Variants in CHL1 observed in about 807,000 individuals in gnomAD.
CHL1 encodes neural cell adhesion molecule L1-like protein.
CHL1 carries 96 observed loss-of-function variants against 141.9 expected under a neutral mutation model. That is an observed-to-expected ratio of 0.68 (90% confidence interval 0.57 to 0.80). The LOEUF (loss-of-function observed/expected upper bound fraction) is 0.80, where lower values mean the gene tolerates loss of function less well. Among genes scored for constraint, CHL1 ranks in the 30% least tolerant of loss-of-function variants. CHL1 has a pLI of 0.00. For missense variants in CHL1, 1,820 were observed against 1,457.2 expected, an observed-to-expected ratio of 1.25 and a Z score of -4.05; for synonymous variants, 613 against 502.2, an observed-to-expected ratio of 1.22 and a Z score of -2.95.
At chr3:215,414 G>T (rs933059527) in intron 1 of CHL1, among the ~76,000 whole-genome samples, 4 of 152,152 alleles carry the variant, frequency 2.6e-5, no homozygotes, top group African/African-American at 4.8e-5. Flanking sequence ...ATCAAGGAGG[G>T]GAGGATAGGA....
intron 5 of CHL1, among the ~76,000 whole-genome samples, chr3:329,512 G>T (rs330892): frequency 0.99 from 150,796 of 152,028 alleles, 74,800 homozygotes; most frequent in Middle Eastern, 1. Context: ...TTATAAGTAT[G>T]TACACTAAAA....
intron 3 of CHL1, among the ~76,000 whole-genome samples, chr3:324,769 T>C (rs2125062922): frequency 6.6e-6 from 1 of 152,064 alleles, no homozygotes; most frequent in Non-Finnish European, 1.5e-5. Context: ...TACATTTTTT[T>C]GTAGGGATAA....
chr3:310,439 A>C (rs745689927), intron 2 of CHL1, among the ~76,000 whole-genome samples: 1 of 152,204 alleles, frequency 6.6e-6, no homozygotes, highest in Admixed American at 6.5e-5. Flanking sequence ...GTGAGTGATG[A>C]AAATCTGAAA....
intron 16 of CHL1, among the ~76,000 whole-genome samples, chr3:379,373 T>G (rs1706743150): frequency 6.6e-6 from 1 of 152,110 alleles, no homozygotes; most frequent in Non-Finnish European, 1.5e-5. Context: ...TTAGGCAGAA[T>G]GTTTGGCCAT....
intron 5 of CHL1, among the ~76,000 whole-genome samples, chr3:333,012 A>G (rs1466358773): frequency 6.6e-6 from 1 of 151,992 alleles, no homozygotes; most frequent in Non-Finnish European, 1.5e-5. Flanking sequence ...ATCTAGGCAG[A>G]CCAAGTGAAG....
intron 3 of CHL1, among the ~76,000 whole-genome samples, chr3:321,222 T>A (rs1037851978): frequency 6.6e-6 from 1 of 152,076 alleles, no homozygotes; most frequent in Admixed American, 6.6e-5. Context: ...CAGGTAGAAA[T>A]CCCTTCTCTA....
At chr3:391,548 T>G (rs182053652) in intron 22 of CHL1, 127 bp from the exon 23 acceptor site, 27 of 658,588 alleles carry the variant, frequency 4.1e-5, no homozygotes, top group African/African-American at 3.9e-4. Flanking sequence ...TTATTCCTTA[T>G]TAGTAGTTAA....
chr3:299,850 G>A (rs1244465108), intron 2 of CHL1, among the ~76,000 whole-genome samples: 3 of 152,056 alleles, frequency 2.0e-5, no homozygotes, highest in East Asian at 1.9e-4. Context: ...ATAAATCTAC[G>A]AATAGTGAGA....
intron 2 of CHL1, among the ~76,000 whole-genome samples, chr3:269,074 T>TG (rs1695414246): frequency 6.6e-6 from 1 of 152,202 alleles, no homozygotes; most frequent in Non-Finnish European, 1.5e-5. Context: ...CAAAAAATTA[T>TG]GGTCAGAATC....
chr3:386,526 A>G (rs983805332), intron 19 of CHL1, among the ~76,000 whole-genome samples: 3 of 152,218 alleles, frequency 2.0e-5, no homozygotes, highest in Non-Finnish European at 4.4e-5. Flanking sequence ...TCAGTTAAAT[A>G]CCTGTATCAG....
At chr3:345,337 C>T (rs1176097259) in intron 9 of CHL1, among the ~76,000 whole-genome samples, 1 of 152,102 alleles carries the variant, frequency 6.6e-6, no homozygotes, top group African/African-American at 2.4e-5. Context: ...TCTATTTTTA[C>T]TCTGCTGCCC....
At chr3:396,967 G>A (rs1708727185) in intron 24 of CHL1, among the ~76,000 whole-genome samples, 1 of 152,054 alleles carries the variant, frequency 6.6e-6, no homozygotes, top group Non-Finnish European at 1.5e-5. Flanking sequence ...TTCTTGCTCT[G>A]CCTATATAGC....
chr3:292,025 G>A (rs1697738063), intron 2 of CHL1, among the ~76,000 whole-genome samples: 1 of 152,184 alleles, frequency 6.6e-6, no homozygotes, highest in South Asian at 2.1e-4. Flanking sequence ...GAAAGAAAAG[G>A]TGGAAACGAT....
At chr3:204,864 A>G (rs970047418) in intron 1 of CHL1, among the ~76,000 whole-genome samples, 4 of 152,182 alleles carry the variant, frequency 2.6e-5, no homozygotes, top group Non-Finnish European at 4.4e-5. Context: ...AAATTTTTCC[A>G]TGTCATCTCA....
chr3:269,538 T>C (rs1453370978), intron 2 of CHL1, among the ~76,000 whole-genome samples: 2 of 152,056 alleles, frequency 1.3e-5, no homozygotes, highest in Non-Finnish European at 2.9e-5. Context: ...TCTATATATA[T>C]ATATGAGATG....
At chr3:254,699 G>T (rs1439484217) in intron 2 of CHL1, among the ~76,000 whole-genome samples, 1 of 152,170 alleles carries the variant, frequency 6.6e-6, no homozygotes, top group African/African-American at 2.4e-5. Flanking sequence ...AGCATCTGGT[G>T]AGGGCCTTCT....
intron 27 of CHL1, among the ~76,000 whole-genome samples, chr3:402,728 C>A (rs926802180): frequency 6.6e-5 from 10 of 152,006 alleles, no homozygotes; most frequent in Non-Finnish European, 1.0e-4. Context: ...TTAGTCAATA[C>A]CCTTTTTATA....
At position 363,379 on chromosome 3, in the gene CHL1, T is replaced by G. The variant is rs772079561; in HGVS notation, c.1581T>G (p.Ile527Met). 6.2e-7 allele frequency: 1 copy of G among 1,609,340 alleles called. No homozygotes were observed. The highest frequency in any genetic ancestry group is 1.1e-5 in the South Asian group (1 of 90,598). ...CTGCAGTCACAGCCAATTTGGATAT[T>G]AGAAGTATTTTTATTTCACTGTTAC... ...GKTAVTANLDIRNATKLRVSP... is the reference protein window; with the variant it reads ...GKTAVTANLDMRNATKLRVSP... The change falls in exon 14 of 28, where the codon ATT (isoleucine) becomes ATG (methionine). Residue 527 changes from isoleucine (I) to methionine (M), a missense_variant. Transcript: ENST00000256509.
intron 26 of CHL1, 108 bp from the exon 27 acceptor site, chr3:401,518 C>T (rs1192911110): frequency 4.7e-6 from 3 of 638,556 alleles, no homozygotes; most frequent in Admixed American, 6.8e-5. Context: ...GGTATCAAAA[C>T]ATTTGAGCAA....
Sources: allele counts gnomAD v4.1 joint callset (sites outside exome capture counted in the v4.1 genomes callset), GRCh38; gene constraint gnomAD v4.1.1; transcripts MANE v1.5; gene names NCBI Gene and HGNC (gene_info 2026-07-23, HGNC 2026-07-21).